The following COLEC11 variants were observed in gnomAD, a reference collection of about 807,000 sequenced individuals.
COLEC11 encodes collectin-11.
Under a neutral mutation model 27.3 loss-of-function variants are expected in COLEC11, and 20 were observed. That is an observed-to-expected ratio of 0.73 (90% CI 0.51 to 1.06). The LOEUF (loss-of-function observed/expected upper bound fraction) is 1.06. Among genes scored for constraint, COLEC11 ranks in the 50% least tolerant of loss-of-function variants. COLEC11 has a pLI of 0.00. For synonymous variants in COLEC11, 163 were observed against 154.7 expected, an observed-to-expected ratio of 1.05 and a Z score of -0.40; for missense variants, 310 against 383.0, an observed-to-expected ratio of 0.81 and a Z score of 1.59.
intron 2 of COLEC11, among the ~76,000 whole-genome samples, chr2:3,608,215 C>T (rs4850069): frequency 0.77 from 116,656 of 152,204 alleles, 44,959 homozygotes; most frequent in South Asian, 0.89. Flanking sequence ...GCCAAGCAAA[C>T]AGTAAATGTC....
chr2:3,602,443 C>T lies in COLEC11; in HGVS notation c.-26-1872C>T, dbSNP rs1198720386. ...GAACAAAAGCTTTAATCTTTGATTTCTCTCTGTCATTTCCCACATAACTGA... is the reference window on the plus strand; with the variant it reads ...GAACAAAAGCTTTAATCTTTGATTTTTCTCTGTCATTTCCCACATAACTGA... On this transcript the variant is annotated intron_variant, in intron 1 of 6. Transcript: ENST00000349077. This position sits in a 1 kb window ranked among gnomAD's most constrained non-coding sequence, Gnocchi z 6.2. Among the ~76,000 whole-genome samples the T allele has an allele frequency of 2.6e-5, 4 of 152,128 alleles. No homozygotes were observed. Among genetic ancestry groups the T allele is most frequent in the African/African-American group, 9.7e-5 (4 of 41,374 alleles).
chr2:3,640,313 G>T lies in COLEC11; in HGVS notation c.310G>T (p.Gly104Cys). Residue 104 changes from glycine to cysteine, a missense_variant, in exon 5 of 7, where the codon GGT (glycine) becomes TGT (cysteine). Physicochemically the swap from Gly to Cys is radical, Grantham distance 159 (BLOSUM62 -3). Coordinates refer to ENST00000349077, the MANE Select transcript of COLEC11 (RefSeq NM_024027.5). The part of the protein sequence containing the change: ...KGDSGDIGPP[G>C]PNGEPGLPCE... ...AGATTCCGGTGACATAGGACCCCCT[G>T]GTCCTAATGGAGAACCAGGTATGGC... The T allele has an allele frequency of 6.3e-7, 1 of 1,597,076 alleles. No homozygotes were observed. The highest frequency in any genetic ancestry group is 8.6e-7 in the Non-Finnish European group (1 of 1,164,706).
At chr2:3,603,317 A>T in intron 1 of COLEC11, 1 of 188,454 alleles carries the variant, frequency 5.3e-6, no homozygotes, top group Non-Finnish European at 1.1e-5. Context: ...TTATTTATTT[A>T]TTATATTTTA....
At chr2:3,606,209 G>A (rs1196715694) in intron 2 of COLEC11, 14 of 1,550,344 alleles carry the variant, frequency 9.0e-6, no homozygotes, top group East Asian at 4.9e-5. Flanking sequence ...GGGTGCCTCC[G>A]AGTCCCTACG....
chr2:3,611,545 C>T (rs114004487), intron 2 of COLEC11, among the ~76,000 whole-genome samples: 472 of 152,290 alleles, frequency 3.1e-3, no homozygotes, highest in African/African-American at 0.01. Flanking sequence ...ATATTTCTTG[C>T]TAAACTGTCA....
chr2:3,637,658 C>T (rs972631096), intron 4 of COLEC11, 54 bp downstream of exon 4: 1 of 1,322,760 alleles, frequency 7.6e-7, no homozygotes, highest in African/African-American at 1.4e-5. Context: ...GGGTCAGCGT[C>T]TGGATACCCT....
intron 3 of COLEC11, among the ~76,000 whole-genome samples, chr2:3,624,825 T>C (rs965902192): frequency 2.0e-5 from 3 of 152,330 alleles, no homozygotes; most frequent in Non-Finnish European, 4.4e-5. Flanking sequence ...GGTAGAAAGC[T>C]CCTCTTCTGC....
chr2:3,617,035 A>G (rs1663808347), intron 3 of COLEC11, among the ~76,000 whole-genome samples: 1 of 152,078 alleles, frequency 6.6e-6, no homozygotes, highest in South Asian at 2.1e-4. Flanking sequence ...TCAGCATGAA[A>G]CTGTAGGGAT....
intron 1 of COLEC11, among the ~76,000 whole-genome samples, chr2:3,595,677 T>G (rs573056809): frequency 6.6e-6 from 1 of 152,126 alleles, no homozygotes; most frequent in Non-Finnish European, 1.5e-5. Flanking sequence ...TTGGCAACTT[T>G]CCAGGGAAAG....
At chr2:3,641,734 G>A (rs569340081) in intron 5 of COLEC11, among the ~76,000 whole-genome samples, 13 of 152,316 alleles carry the variant, frequency 8.5e-5, no homozygotes, top group Non-Finnish European at 1.5e-4. Context: ...GGTGTCTCAC[G>A]TATGAGGGCG....
intron 5 of COLEC11, among the ~76,000 whole-genome samples, chr2:3,642,145 G>A (rs1162990996): frequency 6.6e-6 from 1 of 152,180 alleles, no homozygotes; most frequent in African/African-American, 2.4e-5. Flanking sequence ...TGCGTGTTCT[G>A]GACACCGTGC....
intron 1 of COLEC11, among the ~76,000 whole-genome samples, chr2:3,598,989 G>A (rs1662044289): frequency 6.6e-6 from 1 of 152,064 alleles, no homozygotes; most frequent in Non-Finnish European, 1.5e-5. Flanking sequence ...CCCTTACATC[G>A]TGACTGAAGG....
rs1217735624 is a variant in COLEC11, at chr2:3,605,545, AGGG to A, written c.130+1078_130+1080del. Among the ~76,000 whole-genome samples the A allele has an allele frequency of 1.6e-3, 14 of 8,752 alleles. 3 individuals are homozygous for A. The highest frequency in any genetic ancestry group is 5.9e-3 in the African/African-American group (12 of 2,026). 5.7% of individuals were successfully genotyped at this position (8,752 alleles called of 152,430 possible). On this transcript the variant is annotated intron_variant, in intron 2 of 6. Transcript: ENST00000349077. ...GGGGAGGGGAGTCACGTGGTTGATG[AGGG>A]GGAGGGGAGTCACGTGGGTGCTGAG...
chr2:3,622,116 C>G (rs561526616), intron 3 of COLEC11, among the ~76,000 whole-genome samples: 135 of 150,580 alleles, frequency 9.0e-4, no homozygotes, highest in Non-Finnish European at 1.6e-3. Flanking sequence ...TTGCAGTGAG[C>G]TGAGATTGTG....
chr2:3,599,457 A>C (rs2147842733), intron 1 of COLEC11, among the ~76,000 whole-genome samples: 1 of 152,290 alleles, frequency 6.6e-6, no homozygotes, highest in Admixed American at 6.5e-5. Flanking sequence ...CTTTCCCTGG[A>C]CTGGGAGCCC....
intron 3 of COLEC11, 131 bp downstream of exon 3, chr2:3,613,513 G>T: frequency 1.1e-6 from 1 of 874,796 alleles, no homozygotes; most frequent in East Asian, 2.7e-5. Flanking sequence ...CAGGGAGGCA[G>T]ACGGCATGGG....
At chr2:3,629,217 G>A (rs1393220387) in intron 3 of COLEC11, among the ~76,000 whole-genome samples, 1 of 152,220 alleles carries the variant, frequency 6.6e-6, no homozygotes, top group Non-Finnish European at 1.5e-5. Context: ...TACAGAAAAG[G>A]TTGTGGTATG....
chr2:3,635,188 T>C (rs1665310694), intron 3 of COLEC11, among the ~76,000 whole-genome samples: 1 of 141,286 alleles, frequency 7.1e-6, no homozygotes. Flanking sequence ...TGTGTCTCCC[T>C]GCGCCTACCT....
intron 1 of COLEC11, among the ~76,000 whole-genome samples, chr2:3,600,040 T>G (rs1422483814): frequency 6.6e-6 from 1 of 150,638 alleles, no homozygotes. Context: ...TGGAGACCAT[T>G]CTAGCCAACA....
Sources: allele counts gnomAD v4.1 joint callset (sites outside exome capture counted in the v4.1 genomes callset), GRCh38; gene constraint gnomAD v4.1.1; non-coding constraint Gnocchi (gnomAD v3.1); transcripts MANE v1.5; gene names NCBI Gene and HGNC (gene_info 2026-07-23, HGNC 2026-07-21).